Variants in SLC22A16 observed in about 807,000 individuals in gnomAD.
The protein encoded by SLC22A16 is WUGSC:RG331P03.1.
A neutral mutation model predicts 52.9 loss-of-function variants in SLC22A16; 53 were observed. The ratio of observed to expected loss-of-function variants is 1.00; its 90% CI spans 0.80 to 1.26. The LOEUF (loss-of-function observed/expected upper bound fraction) is 1.26, where lower values mean the gene tolerates loss of function less well. Ranked by LOEUF, SLC22A16 falls within the 50% of genes most tolerant of loss-of-function variation. SLC22A16 has a pLI of 0.00. For missense variants in SLC22A16, 726 were observed against 704.0 expected (o/e 1.03, Z -0.35); for synonymous variants, 291 against 268.8 (o/e 1.08, Z -0.81).
At chr6:110,468,500 G>A (rs779663965) in intron 1 of SLC22A16, among the ~76,000 whole-genome samples, 1 of 151,964 alleles carries the variant, frequency 6.6e-6, no homozygotes, top group Non-Finnish European at 1.5e-5. Flanking sequence ...CCAAAAACTA[G>A]CCAGGCATAG....
chr6:110,455,295 T>C (rs1002746564), intron 2 of SLC22A16: 14 of 152,040 alleles, frequency 9.2e-5, no homozygotes, highest in Non-Finnish European at 2.1e-4. Flanking sequence ...AGTCAAGCAG[T>C]GAACACATTT....
At chr6:110,437,309 A>C (rs987711805) in intron 5 of SLC22A16, among the ~76,000 whole-genome samples, 1 of 152,104 alleles carries the variant, frequency 6.6e-6, no homozygotes, top group Admixed American at 6.5e-5. Context: ...CTTCCCTATT[A>C]GTGTAGAACT....
At chr6:110,454,640 TATATATTTTATATATATTATATATATTTA>T (rs1562292377) in intron 2 of SLC22A16, among the ~76,000 whole-genome samples, 9 of 51,090 alleles carry the variant, frequency 1.8e-4, no homozygotes, top group South Asian at 4.8e-4. Flanking sequence ...TTATATATAT[TATATATTTTATATATATTATATATATTTA>T]TATATATTAT....
intron 7 of SLC22A16, among the ~76,000 whole-genome samples, chr6:110,427,260 A>AAAAAAAAAAAAAG (rs538137410): frequency 5.8e-5 from 8 of 137,988 alleles, no homozygotes; most frequent in East Asian, 2.1e-4. Flanking sequence ...AAAAAAAAAA[A>AAAAAAAAAAAAAG]AAAAGAAAAA....
Position 110,456,853 on chromosome 6 carries a change from T to C in SLC22A16, c.218A>G (p.Asp73Gly). Residue 73 changes from aspartate (D) to glycine (G), a missense_variant, in exon 2 of 8, where the codon GAC (aspartate) becomes GGC (glycine). Physicochemically the swap from Asp to Gly is moderately conservative, Grantham distance 94. Coordinates refer to ENST00000368919, the MANE Select transcript of SLC22A16 (RefSeq NM_033125.4). ...FHNHSNWSLEDTGALLSSGQK... is the reference protein window; with the variant it reads ...FHNHSNWSLEGTGALLSSGQK... ...GCCTGAAGACAACAGGGCCCCGGTG[T>C]CCTCCAAACTCCAATTAGAGTGATT... is the stretch of plus-strand genomic sequence containing the variant. 1 of 1,614,050 alleles carries C rather than the reference T, an allele frequency of 6.2e-7. No individual in the cohort carries two copies. Among genetic ancestry groups the C allele is most frequent in the Non-Finnish European group, 8.5e-7 (1 of 1,179,988 alleles).
intron 1 of SLC22A16, among the ~76,000 whole-genome samples, chr6:110,464,497 C>G (rs1328500489): frequency 1.3e-5 from 2 of 151,994 alleles, no homozygotes; most frequent in Non-Finnish European, 2.9e-5. Flanking sequence ...CACAAAGGAT[C>G]ATCAGAGACT....
Position 110,457,125 on chromosome 6 carries a change from G to A in SLC22A16, c.54-108C>T, listed in dbSNP as rs1775693480. ...GTTTATCTTAACATATACACGAATGGATAAATATAGAAATAATTATAGACA... is the reference window on the plus strand; with the variant it reads ...GTTTATCTTAACATATACACGAATGAATAAATATAGAAATAATTATAGACA... On this transcript the variant is annotated intron_variant, in intron 1 of 7. Coordinates refer to ENST00000368919, the MANE Select transcript of SLC22A16 (RefSeq NM_033125.4). 6.1e-6 allele frequency: 6 copies of A among 982,918 alleles called. 1 individual carries two copies. The highest frequency in any genetic ancestry group is 8.8e-6 in the Non-Finnish European group (6 of 681,314). The allele number at this position is 982,918 out of a possible 1,614,324, so 60.9% of individuals were successfully genotyped here.
At chr6:110,444,979 G>T (rs2114947416) in intron 3 of SLC22A16, among the ~76,000 whole-genome samples, 1 of 152,078 alleles carries the variant, frequency 6.6e-6, no homozygotes, top group South Asian at 2.1e-4. Context: ...CTCTGTTATT[G>T]GATTCAGAAA....
At chr6:110,452,358 C>T (rs1775418608) in intron 2 of SLC22A16, among the ~76,000 whole-genome samples, 1 of 152,098 alleles carries the variant, frequency 6.6e-6, no homozygotes, top group South Asian at 2.1e-4. Context: ...GTAATAACTA[C>T]AAATAATGAC....
intron 6 of SLC22A16, among the ~76,000 whole-genome samples, chr6:110,434,159 GA>G: frequency 6.6e-6 from 1 of 152,132 alleles, no homozygotes; most frequent in Non-Finnish European, 1.5e-5. Context: ...AGAATCACCT[GA>G]ACCTGGGAGG....
intron 2 of SLC22A16, among the ~76,000 whole-genome samples, chr6:110,454,292 G>A (rs1273470535): frequency 6.6e-6 from 1 of 151,964 alleles, no homozygotes; most frequent in Non-Finnish European, 1.5e-5. Flanking sequence ...AAGACTACAA[G>A]AGGTGCAAGG....
rs191001958 is a variant in SLC22A16 at position 110,436,148 on chromosome 6, G to A, written c.1312-187C>T. 6.6e-5 allele frequency among the ~76,000 whole-genome samples: 10 copies of A among 152,214 alleles called. No homozygotes were observed. The East Asian group carries it at 7.7e-4, about 12-fold the overall frequency. The stretch of plus-strand genomic sequence containing the variant: ...GTCTGAGAAAGCTTTCCATCTTTAC[G>A]AAATGTGGAGGAAAGTTTCAGTGTG... On this transcript the variant is annotated intron_variant, in intron 5 of 7. Coordinates refer to ENST00000368919, the MANE Select transcript of SLC22A16 (RefSeq NM_033125.4).
At chr6:110,443,190 C>G (rs1775044117) in intron 3 of SLC22A16, among the ~76,000 whole-genome samples, 1 of 152,136 alleles carries the variant, frequency 6.6e-6, no homozygotes, top group African/African-American at 2.4e-5. Context: ...GTAAGAAAAA[C>G]TGATTTAATT....
intron 5 of SLC22A16, among the ~76,000 whole-genome samples, chr6:110,438,273 A>G (rs1774813888): frequency 6.6e-6 from 1 of 152,222 alleles, no homozygotes. Context: ...TATTGCGTTT[A>G]CAAAATACAA....
At chr6:110,435,702 C>G (rs900512501) in intron 6 of SLC22A16, 150 bp downstream of exon 6, 1 of 575,958 alleles carries the variant, frequency 1.7e-6, no homozygotes. Flanking sequence ...GCCTCAGACT[C>G]AAAATGAGTA....
chr6:110,438,694 C>T, intron 5 of SLC22A16, 26 bp downstream of exon 5: 1 of 1,604,726 alleles, frequency 6.2e-7, no homozygotes, highest in East Asian at 2.2e-5. Context: ...GTATAACTGT[C>T]TTATAAAAAA....
chr6:110,428,635 G>A (rs1774370696), intron 7 of SLC22A16, among the ~76,000 whole-genome samples: 1 of 152,308 alleles, frequency 6.6e-6, no homozygotes, highest in East Asian at 1.9e-4. Context: ...GCTTGTTTAG[G>A]CAGGGCATGG....
Position 110,441,052 on chromosome 6 carries a change from C to T in SLC22A16, c.1183+1192G>A, listed in dbSNP as rs137868023. On this transcript the variant is annotated intron_variant, in intron 4 of 7. Coordinates refer to ENST00000368919, the MANE Select transcript of SLC22A16 (RefSeq NM_033125.4). The stretch of plus-strand genomic sequence containing the variant: ...TCATTGATGCTTTATGAAAAGTTTA[C>T]GGGCACAAAGCCCCAAATAAATCAG... 5.4e-3 allele frequency among the ~76,000 whole-genome samples: 828 copies of T among 152,250 alleles called. 2 individuals carry two copies. Among genetic ancestry groups the T allele is most frequent in the Middle Eastern group, 0.02 (6 of 294 alleles).
intron 1 of SLC22A16, among the ~76,000 whole-genome samples, chr6:110,464,033 C>T (rs931846097): frequency 6.6e-6 from 1 of 152,088 alleles, no homozygotes; most frequent in African/African-American, 2.4e-5. Flanking sequence ...AAACAACTTG[C>T]TCCTGAATGA....
Sources: gnomAD v4.1 joint callset for allele counts (sites outside exome capture counted in the v4.1 genomes callset) on GRCh38, gnomAD v4.1.1 for gene constraint, MANE v1.5 for transcripts, NCBI Gene and HGNC (gene_info 2026-07-23, HGNC 2026-07-21) for gene names.